RC3H1: variants seen among roughly 807,000 people sequenced by gnomAD.
The protein encoded by RC3H1 is ring finger and CCCH-type domains 1, also known as roquin-1.
A neutral mutation model predicts 138.2 loss-of-function variants in RC3H1; 50 were observed. The observed-to-expected ratio is 0.36, with a 90% CI of 0.29 to 0.46. The LOEUF is 0.46. Among genes scored for constraint, RC3H1 ranks in the 20% least tolerant of loss-of-function variants. RC3H1 has a pLI of 1.00. For synonymous variants in RC3H1, 462 were observed against 489.1 expected (o/e 0.94, Z 0.73); for missense variants, 1,031 against 1,388.1 (o/e 0.74, Z 4.09).
At chr1:173,940,126 G>C (rs1175942161) in intron 19 of RC3H1, among the ~76,000 whole-genome samples, 5 of 152,130 alleles carry the variant, frequency 3.3e-5, no homozygotes, top group African/African-American at 9.7e-5. Context: ...CAGGGAGATG[G>C]AGTGCTGGGT....
chr1:173,982,334 A>G (rs6425264), intron 5 of RC3H1, among the ~76,000 whole-genome samples: 43,939 of 151,134 alleles, frequency 0.29, 11,361 homozygotes, highest in African/African-American at 0.7. Context: ...AGCCGAGATC[A>G]TGCACTGCAC....
intron 1 of RC3H1, among the ~76,000 whole-genome samples, chr1:174,008,973 T>C (rs540729088): frequency 2.1e-4 from 26 of 126,234 alleles, no homozygotes; most frequent in Admixed American, 1.4e-3. Context: ...TGAGACTTTG[T>C]CTGAAAAAAA....
chr1:173,961,134 G>A lies in RC3H1; in HGVS notation c.2313C>T (p.Ile771=), dbSNP rs373306163. The A allele has an allele frequency of 3.1e-6, 5 of 1,613,858 alleles. No homozygotes were observed. The highest frequency in any genetic ancestry group is 4.2e-6 in the Non-Finnish European group (5 of 1,179,896). Residue 771 remains isoleucine (I), a synonymous_variant, in exon 13 of 20, where the codon ATC becomes ATT. Coordinates refer to ENST00000367696, the MANE Select transcript of RC3H1 (RefSeq NM_172071.4). ...GTGAAGGTGCAAAAGGAGGTGGAGA[G>A]ATAACCTTTCTTTCCTCTAGCTGGG... ...IMAQLEERKV[I]SPPPFAPSPT...
chr1:173,947,695 C>T lies in RC3H1; in HGVS notation c.2524-113G>A, dbSNP rs182292057. The T allele has an allele frequency of 2.3e-5, 17 of 738,060 alleles. No homozygotes were observed. In the East Asian group the frequency reaches 4.1e-4, roughly 18 times the overall value. 45.7% of individuals were successfully genotyped at this position (738,060 alleles called of 1,614,324 possible). A position where few individuals can be genotyped will look rare whatever the true frequency, so the allele number is the denominator to read the frequency against. ...GAGTACAGCACTCTTACTGGTAAGA[C>T]TAAAATCATTAGTTACCTTTGGTTG... On this transcript the variant is annotated intron_variant, in intron 14 of 19. Coordinates refer to ENST00000367696, the MANE Select transcript of RC3H1 (RefSeq NM_172071.4).
chr1:173,969,694 C>A (rs1455013793), intron 9 of RC3H1, among the ~76,000 whole-genome samples: 2 of 150,252 alleles, frequency 1.3e-5, no homozygotes, highest in Non-Finnish European at 3.0e-5. Context: ...ATAGGGAGAC[C>A]CTGTCTCTAT....
chr1:173,973,473 T>C (rs914070042), intron 7 of RC3H1, among the ~76,000 whole-genome samples: 4 of 151,034 alleles, frequency 2.6e-5, no homozygotes, highest in Non-Finnish European at 5.9e-5. Flanking sequence ...GAGGCGGAGG[T>C]TGCAGTGAGC....
intron 11 of RC3H1, 24 bp from the exon 12 acceptor site, chr1:173,962,119 A>C (rs1659913858): frequency 6.4e-7 from 1 of 1,554,562 alleles, no homozygotes; most frequent in South Asian, 1.2e-5. Context: ...AAGAGGACCC[A>C]AAAGCAAATA....
intron 1 of RC3H1, among the ~76,000 whole-genome samples, chr1:174,014,081 T>C (rs1239046086): frequency 6.6e-6 from 1 of 152,130 alleles, no homozygotes; most frequent in Admixed American, 6.5e-5. Context: ...GATGAGTAAG[T>C]GGAACATGGG....
Position 173,932,691 on chromosome 1 carries a change from C to T in RC3H1, c.*6030G>A, listed in dbSNP as rs1277427486. 6.6e-6 allele frequency: 1 copy of T among 151,754 alleles called. No homozygotes were observed. The highest frequency in any genetic ancestry group is 6.6e-5 in the Admixed American group (1 of 15,198). 9.4% of individuals were successfully genotyped at this position (151,754 alleles called of 1,614,324 possible). ...AGGATGTAAAAACGATAAGCAAAAG[C>T]TAAATGCCTTTAAGTCAGAGAATTA... On this transcript the variant is annotated 3_prime_UTR_variant, in exon 20 of 20. Transcript: ENST00000367696.
chr1:173,992,350 T>C (rs1196544276), intron 2 of RC3H1, among the ~76,000 whole-genome samples: 1 of 152,132 alleles, frequency 6.6e-6, no homozygotes, highest in African/African-American at 2.4e-5. Flanking sequence ...TTTCACCATG[T>C]TGGCCAGGCC....
chr1:174,005,850 T>C (rs1661644335), intron 1 of RC3H1, among the ~76,000 whole-genome samples: 1 of 152,202 alleles, frequency 6.6e-6, no homozygotes, highest in South Asian at 2.1e-4. Context: ...TAACTCTTAA[T>C]ACTGATAATG....
intron 9 of RC3H1, among the ~76,000 whole-genome samples, chr1:173,968,326 G>C (rs550776895): frequency 1.6e-4 from 25 of 152,188 alleles, no homozygotes; most frequent in Admixed American, 7.9e-4. Flanking sequence ...TTTAAATTCG[G>C]ATTTCTTGGA....
chr1:174,021,097 A>G (rs1461244204), intron 1 of RC3H1, among the ~76,000 whole-genome samples: 2 of 152,238 alleles, frequency 1.3e-5, no homozygotes, highest in Non-Finnish European at 2.9e-5. Flanking sequence ...AACACGAGAC[A>G]AGGCACAAGA....
chr1:173,979,388 C>T (rs1329025218), intron 6 of RC3H1, among the ~76,000 whole-genome samples: 1 of 152,230 alleles, frequency 6.6e-6, no homozygotes, highest in Non-Finnish European at 1.5e-5. Context: ...TGGCTCACGC[C>T]TGTAATCCTA....
chr1:174,015,368 C>G (rs1557954371), intron 1 of RC3H1, among the ~76,000 whole-genome samples: 1 of 142,722 alleles, frequency 7.0e-6, no homozygotes, highest in South Asian at 2.2e-4. Context: ...TTCCACTACA[C>G]TTTTTTTTTT....
chr1:173,945,422 A>G (rs575598010), intron 17 of RC3H1, among the ~76,000 whole-genome samples: 1 of 152,268 alleles, frequency 6.6e-6, no homozygotes, highest in African/African-American at 2.4e-5. Context: ...CACCACGTCC[A>G]GCCAGATTTT....
At position 173,947,442 on chromosome 1, in the gene RC3H1, A is replaced by G; in HGVS notation, c.2664T>C (p.Thr888=). 2 of 1,613,942 alleles carry G rather than the reference A, an allele frequency of 1.2e-6. No individual in the cohort carries two copies. Among genetic ancestry groups the G allele is most frequent in the Middle Eastern group, 3.3e-4 (2 of 6,054 alleles). The change falls in exon 15 of 20, where the codon ACT becomes ACC. Residue 888 remains threonine (T), a synonymous_variant. Transcript: ENST00000367696. Reference sequence around the variant, plus strand: ...GCATTGGACCAGCACCCTGATATATAGTTTTGGAAGTTCGTGAGATGGCAC... The same window carrying G: ...GCATTGGACCAGCACCCTGATATATGGTTTTGGAAGTTCGTGAGATGGCAC... ...RFGAISRTSK[T]IYQGAGPMQA...
At chr1:174,018,199 T>A (rs914066850) in intron 1 of RC3H1, among the ~76,000 whole-genome samples, 7 of 152,014 alleles carry the variant, frequency 4.6e-5, no homozygotes, top group Admixed American at 3.9e-4. Context: ...AATATATACA[T>A]ACAGCATTGC....
intron 9 of RC3H1, among the ~76,000 whole-genome samples, chr1:173,966,628 T>G (rs891156111): frequency 2.6e-5 from 4 of 151,848 alleles, no homozygotes; most frequent in African/African-American, 9.7e-5. Context: ...GACAGGAGAA[T>G]TGCTTGAGCC....
Sources: allele counts gnomAD v4.1 joint callset (sites outside exome capture counted in the v4.1 genomes callset), GRCh38; gene constraint gnomAD v4.1.1; transcripts MANE v1.5; gene names NCBI Gene and HGNC (gene_info 2026-07-23, HGNC 2026-07-21).